RORB: variants seen among roughly 807,000 people sequenced by gnomAD.
RORB encodes RAR related orphan receptor B.
RORB carries 6 observed loss-of-function variants against 59.1 expected under a neutral mutation model. That is an observed-to-expected ratio of 0.10 (90% CI 0.06 to 0.20). The LOEUF (loss-of-function observed/expected upper bound fraction) is 0.20. RORB is among the 10% of genes least tolerant of loss of function. The probability of loss-of-function intolerance (pLI) is 1.00; values close to 1 mark genes in which losing one functional copy is unlikely to be tolerated. For missense variants in RORB, 320 were observed against 560.5 expected, an observed-to-expected ratio of 0.57 and a Z score of 4.33; for synonymous variants, 215 against 204.5, an observed-to-expected ratio of 1.05 and a Z score of -0.44.
rs774516334 is a variant in RORB at position 74,685,755 on chromosome 9, C to T, written c.*137C>T. On this transcript the variant is annotated 3_prime_UTR_variant, in exon 10 of 10. Transcript: ENST00000376896. ...TGCACTTAATAGAATTATTTTTCAC[C>T]GCTACAGTTTGAAGAATGTAAATAT... 5.7e-5 allele frequency: 32 copies of T among 556,542 alleles called. No homozygotes were observed. Among genetic ancestry groups the T allele is most frequent in the Non-Finnish European group, 7.4e-5 (26 of 353,120 alleles). The allele number at this position is 556,542 out of a possible 1,614,324, so 34.5% of individuals were successfully genotyped here.
At chr9:74,523,560 G>T (rs1826112592) in intron 1 of RORB, among the ~76,000 whole-genome samples, 1 of 151,882 alleles carries the variant, frequency 6.6e-6, no homozygotes, top group African/African-American at 2.4e-5. Context: ...CCATATCTGT[G>T]TTATTGTACA....
chr9:74,679,958 C>CAAAAATACAAAATAAAATACAAAAAAA (rs1329631071), intron 9 of RORB, among the ~76,000 whole-genome samples: 2 of 151,994 alleles, frequency 1.3e-5, no homozygotes, highest in Non-Finnish European at 2.9e-5. Context: ...AAAAAATTAA[C>CAAAAATACAAAATAAAATACAAAAAAA]TTGGCATGGT....
At chr9:74,649,784 A>C (rs191444520) in intron 4 of RORB, among the ~76,000 whole-genome samples, 1 of 152,240 alleles carries the variant, frequency 6.6e-6, no homozygotes, top group Non-Finnish European at 1.5e-5. Context: ...ATCTACTTAC[A>C]GTACATGTGT....
At chr9:74,600,577 T>A (rs1256449206) in intron 1 of RORB, among the ~76,000 whole-genome samples, 2 of 152,226 alleles carry the variant, frequency 1.3e-5, no homozygotes, top group Non-Finnish European at 2.9e-5. Flanking sequence ...GAGCCACAGC[T>A]GGTCCCAACT....
chr9:74,541,549 TG>T, intron 1 of RORB, among the ~76,000 whole-genome samples: 1 of 152,234 alleles, frequency 6.6e-6, no homozygotes, highest in Admixed American at 6.5e-5. Flanking sequence ...CTATTTAACC[TG>T]TGATTAATTA....
chr9:74,620,414 C>A (rs1823394016), intron 1 of RORB, among the ~76,000 whole-genome samples: 1 of 151,964 alleles, frequency 6.6e-6, no homozygotes, highest in African/African-American at 2.4e-5. Flanking sequence ...TTTATTGTGT[C>A]TATTTGATTC....
intron 1 of RORB, among the ~76,000 whole-genome samples, chr9:74,517,207 AT>A (rs760575613): frequency 6.6e-5 from 10 of 151,930 alleles, no homozygotes; most frequent in Non-Finnish European, 1.2e-4. Flanking sequence ...AAAAACTGAA[AT>A]TCTCTCATCA....
chr9:74,501,558 T>A (rs1219715763), intron 1 of RORB, among the ~76,000 whole-genome samples: 1 of 152,226 alleles, frequency 6.6e-6, no homozygotes, highest in Non-Finnish European at 1.5e-5. Flanking sequence ...CAGTAAGCTG[T>A]CTTCATTCCA....
At chr9:74,579,115 G>C (rs949740570) in intron 1 of RORB, among the ~76,000 whole-genome samples, 1 of 151,954 alleles carries the variant, frequency 6.6e-6, no homozygotes, top group East Asian at 1.9e-4. Flanking sequence ...TTATTCCATT[G>C]TTTCCTCATC....
In RORB at chr9:74,649,603, A is replaced by G. The variant is rs542803557; in HGVS notation, c.637+6788A>G. ...CTAGGTATCCTCTAATAACCCCGCA[A>G]AGATGGTCTACAATCACCTAGTAAC... On this transcript the variant is annotated intron_variant, in intron 4 of 9. Coordinates refer to ENST00000376896, the MANE Select transcript of RORB (RefSeq NM_006914.4). 1.9e-3 allele frequency among the ~76,000 whole-genome samples: 295 copies of G among 152,314 alleles called. 1 individual carries two copies. The highest frequency in any genetic ancestry group is 7.9e-3 in the South Asian group (38 of 4,826).
At chr9:74,648,573 A>T (rs1278509454) in intron 4 of RORB, among the ~76,000 whole-genome samples, 2 of 152,202 alleles carry the variant, frequency 1.3e-5, no homozygotes, top group African/African-American at 4.8e-5. Context: ...TGTCCATGGC[A>T]GTAGCCAGCA....
chr9:74,651,899 G>A (rs542936277), intron 4 of RORB, among the ~76,000 whole-genome samples: 2 of 152,202 alleles, frequency 1.3e-5, no homozygotes, highest in South Asian at 2.1e-4. Flanking sequence ...TTTCAAGAAA[G>A]GAAACTGTAA....
intron 9 of RORB, among the ~76,000 whole-genome samples, chr9:74,674,590 C>T (rs1425644882): frequency 1.3e-5 from 2 of 152,222 alleles, no homozygotes; most frequent in Non-Finnish European, 2.9e-5. Context: ...TACATGCCTA[C>T]TTCCTGAAAT....
At chr9:74,587,074 T>C (rs1335917350) in intron 1 of RORB, among the ~76,000 whole-genome samples, 1 of 152,180 alleles carries the variant, frequency 6.6e-6, no homozygotes, top group Non-Finnish European at 1.5e-5. Flanking sequence ...AACAACTTCA[T>C]CTAAACTGAG....
rs554498644 is a variant in RORB at position 74,666,298 on chromosome 9, A to G, written c.1000+703A>G. On this transcript the variant is annotated intron_variant, in intron 7 of 9. Transcript: ENST00000376896. Reference sequence around the variant, plus strand: ...CAAGACTCCATCTCAAATAAATAAAATAAATAAATAAAATTAGCTGGGCAT... The same window carrying G: ...CAAGACTCCATCTCAAATAAATAAAGTAAATAAATAAAATTAGCTGGGCAT... Among the ~76,000 whole-genome samples the G allele has an allele frequency of 7.2e-4, 109 of 152,092 alleles. 2 individuals carry two copies. The South Asian group carries it at 9.7e-3, about 14-fold the overall frequency.
chr9:74,681,369 C>T (rs920938306), intron 9 of RORB, among the ~76,000 whole-genome samples: 1 of 152,244 alleles, frequency 6.6e-6, no homozygotes, highest in African/African-American at 2.4e-5. Context: ...ACATGGCCTC[C>T]TGGCCCACCA....
intron 1 of RORB, among the ~76,000 whole-genome samples, chr9:74,557,836 T>C (rs1381945081): frequency 2.0e-5 from 3 of 152,154 alleles, no homozygotes; most frequent in Non-Finnish European, 4.4e-5. Flanking sequence ...TGGTTTTGCT[T>C]TTGATTTCCT....
chr9:74,660,827 C>A, intron 5 of RORB, 89 bp downstream of exon 5: 1 of 1,348,346 alleles, frequency 7.4e-7, no homozygotes. Flanking sequence ...TTGCACTGGG[C>A]AATTCTTTTC....
chr9:74,576,326 A>C (rs191212068), intron 1 of RORB, among the ~76,000 whole-genome samples: 85 of 152,248 alleles, frequency 5.6e-4, no homozygotes, highest in African/African-American at 1.9e-3. Context: ...GCTAATCACC[A>C]TTAACTGGAC....
Sources: allele counts gnomAD v4.1 joint callset (sites outside exome capture counted in the v4.1 genomes callset), GRCh38; gene constraint gnomAD v4.1.1; transcripts MANE v1.5; gene names NCBI Gene and HGNC (gene_info 2026-07-23, HGNC 2026-07-21).